Variants in VSIR observed in about 807,000 individuals in gnomAD.
VSIR encodes V-type immunoglobulin domain-containing suppressor of T-cell activation.
A neutral mutation model predicts 31.0 loss-of-function variants in VSIR; 10 were observed. That is an observed-to-expected ratio of 0.32 (90% CI 0.20 to 0.55). The LOEUF is 0.55. Among genes scored for constraint, VSIR ranks in the 20% least tolerant of loss-of-function variants. The pLI is 0.93. For synonymous variants in VSIR, 179 were observed against 180.1 expected, an observed-to-expected ratio of 0.99 and a Z score of 0.05; for missense variants, 356 against 416.2, an observed-to-expected ratio of 0.86 and a Z score of 1.26.
At chr10:71,772,946 G>C (rs1564786504) in intron 1 of VSIR, among the ~76,000 whole-genome samples, 1 of 152,218 alleles carries the variant, frequency 6.6e-6, no homozygotes, top group Admixed American at 6.5e-5. Flanking sequence ...TGCAACACTA[G>C]AGCCCTGAGA....
intron 3 of VSIR, among the ~76,000 whole-genome samples, chr10:71,756,851 A>T (rs907393108): frequency 3.9e-5 from 6 of 152,242 alleles, no homozygotes; most frequent in African/African-American, 1.4e-4. Context: ...TTTGGGAATA[A>T]AGGCTGTTTT....
intron 2 of VSIR, among the ~76,000 whole-genome samples, chr10:71,761,247 C>G (rs1840376058): frequency 6.6e-6 from 1 of 152,196 alleles, no homozygotes; most frequent in Admixed American, 6.5e-5. Context: ...CAGCCATCCA[C>G]TGAGTCATGC....
rs1283597158 is a variant in VSIR at position 71,760,198 on chromosome 10, CAT to C, written c.568+668_568+669del. On this transcript the variant is annotated intron_variant, in intron 3 of 6. Transcript: ENST00000394957. ...ATATGTGTGTATATATATGTATATA[CAT>C]ATATATGTGTGTATATATGTGTATA... Among the ~76,000 whole-genome samples, 2 of 49,886 alleles carry C rather than the reference CAT, an allele frequency of 4.0e-5. 1 individual carries two copies. Among genetic ancestry groups the C allele is most frequent in the Non-Finnish European group, 6.9e-5 (2 of 28,826 alleles). 32.7% of individuals were successfully genotyped at this position (49,886 alleles called of 152,430 possible).
chr10:71,751,904 G>A lies in VSIR; in HGVS notation c.705-43C>T, dbSNP rs1311648125. ...TGGAAGGTCATCTGTGCTGTCCGGAGCGTGAACTCTGCCCTCCCTGCCCCC... is the reference window on the plus strand; with the variant it reads ...TGGAAGGTCATCTGTGCTGTCCGGAACGTGAACTCTGCCCTCCCTGCCCCC... On this transcript the variant is annotated intron_variant, in intron 5 of 6. Transcript: ENST00000394957. The surrounding 1 kb of genome is among the most constrained non-coding windows in gnomAD (Gnocchi z 4.9). The A allele has an allele frequency of 1.3e-6, 2 of 1,533,462 alleles. No homozygotes were observed. The highest frequency in any genetic ancestry group is 1.8e-6 in the Non-Finnish European group (2 of 1,133,834). The allele number at this position is 1,533,462 out of a possible 1,614,324, so 95.0% of individuals were successfully genotyped here.
At chr10:71,761,028 G>C (rs1402522821) in intron 2 of VSIR, 104 bp from the exon 3 acceptor site, 1 of 1,161,376 alleles carries the variant, frequency 8.6e-7, no homozygotes, top group East Asian at 2.4e-5. Context: ...TCTCACGCTA[G>C]TGCCTACTCG....
Position 71,761,924 on chromosome 10 carries a change from T to C in VSIR, c.185A>G (p.Lys62Arg). The C allele has an allele frequency of 6.2e-7, 1 of 1,614,046 alleles. No individual in the cohort carries two copies. The highest frequency in any genetic ancestry group is 8.5e-7 in the Non-Finnish European group (1 of 1,180,012). ...LTCRLLGPVD[K>R]GHDVTFYKTW... is the part of the protein sequence containing the mutation. ...CTTGTAGAAGGTCACATCGTGCCCT[T>C]TGTCCACAGGGCCCAAGAGCCTGCA... The change falls in exon 2 of 7, where the codon AAA (lysine) becomes AGA (arginine). Residue 62 changes from lysine to arginine, a missense_variant. This residue lies in a region of VSIR where 166 missense variants were observed against 231.0 expected (regional missense o/e 0.72). Transcript: ENST00000394957.
Position 71,752,934 on chromosome 10 carries a change from G to T in VSIR, c.704+41C>A, listed in dbSNP as rs369439268. On this transcript the variant is annotated intron_variant, in intron 5 of 6. Coordinates refer to ENST00000394957, the MANE Select transcript of VSIR (RefSeq NM_022153.2). ...CAGAAGTATCTCTTCCTGGATAGCCGGCCCAGGAAGTTTTCTCAAGAAGGT... is the reference window on the plus strand; with the variant it reads ...CAGAAGTATCTCTTCCTGGATAGCCTGCCCAGGAAGTTTTCTCAAGAAGGT... 5 of 1,606,766 alleles carry T rather than the reference G, an allele frequency of 3.1e-6. No individual in the cohort carries two copies. The East Asian group carries it at 9.0e-5, about 29-fold the overall frequency.
In VSIR at chr10:71,755,428, C is replaced by T. The variant is rs1055051012; in HGVS notation, c.607G>A (p.Val203Ile). The T allele has an allele frequency of 5.0e-6, 8 of 1,613,156 alleles. No homozygotes were observed. Among genetic ancestry groups the T allele is most frequent in the African/African-American group, 2.7e-5 (2 of 74,852 alleles). Residue 203 changes from valine (V) to isoleucine (I), a missense_variant, in exon 4 of 7, where the codon GTA becomes ATA. Val to Ile is a conservative substitution (Grantham distance 29). Coordinates refer to ENST00000394957, the MANE Select transcript of VSIR (RefSeq NM_022153.2). The stretch of plus-strand genomic sequence containing the variant: ...ATGAGGGGGAGGCAGAGGATTCCTA[C>T]GATGCAGGCACCCGTAGCCAGGGCT... ...AAALATGACI[V>I]GILCLPLILL...
intron 2 of VSIR, 74 bp from the exon 3 acceptor site, chr10:71,760,998 G>T (rs375563247): frequency 1.4e-6 from 2 of 1,463,000 alleles, no homozygotes; most frequent in Non-Finnish European, 1.9e-6. Context: ...CCAGGCCAGT[G>T]TCCCCCTCCT....
rs1426057101 is a variant in VSIR at position 71,749,312 on chromosome 10, T to A, written c.*1941A>T. The stretch of plus-strand genomic sequence containing the variant: ...ACCCTCTTTCCTTCTTTCTTTCTTT[T>A]TAAAATTTGTTTTGAGGCAAAGTTT... On this transcript the variant is annotated 3_prime_UTR_variant, in exon 7 of 7. Coordinates refer to ENST00000394957, the MANE Select transcript of VSIR (RefSeq NM_022153.2). 6.6e-6 allele frequency: 1 copy of A among 152,320 alleles called. No individual in the cohort carries two copies. The highest frequency in any genetic ancestry group is 1.5e-5 in the Non-Finnish European group (1 of 68,096). The allele number at this position is 152,320 out of a possible 1,614,324, so 9.4% of individuals were successfully genotyped here.
chr10:71,761,122 C>T (rs554664968), intron 2 of VSIR, among the ~76,000 whole-genome samples, 198 bp from the exon 3 acceptor site: 1 of 152,280 alleles, frequency 6.6e-6, no homozygotes, highest in South Asian at 2.1e-4. Context: ...TTTCATGCCA[C>T]TCCCAGGGGC....
rs1839888250 is a variant in VSIR at position 71,747,789 on chromosome 10, G to A, written c.*3464C>T. Reference sequence around the variant, plus strand: ...ACTTCCCTCTCCCGTGCCCAAGGCAGACATGGCTATCTATCTCGGCACTGT... The same window carrying A: ...ACTTCCCTCTCCCGTGCCCAAGGCAAACATGGCTATCTATCTCGGCACTGT... On this transcript the variant is annotated 3_prime_UTR_variant, in exon 7 of 7. Transcript: ENST00000394957. The A allele has an allele frequency of 6.6e-6, 1 of 152,296 alleles. No homozygotes were observed. The highest frequency in any genetic ancestry group is 6.5e-5 in the Admixed American group (1 of 15,288). The allele number at this position is 152,296 out of a possible 1,614,324, so 9.4% of individuals were successfully genotyped here.
intron 1 of VSIR, among the ~76,000 whole-genome samples, chr10:71,762,320 G>A (rs1840416058): frequency 6.6e-6 from 1 of 152,236 alleles, no homozygotes; most frequent in South Asian, 2.1e-4. Context: ...TCCCAGTAGA[G>A]TATATGCAAA....
At chr10:71,756,126 T>A (rs1282463654) in intron 3 of VSIR, among the ~76,000 whole-genome samples, 1 of 152,086 alleles carries the variant, frequency 6.6e-6, no homozygotes, top group African/African-American at 2.4e-5. Flanking sequence ...TGTACAATGT[T>A]TTTCAATTTT....
chr10:71,762,709 G>C (rs772946594), intron 1 of VSIR, among the ~76,000 whole-genome samples: 1 of 152,250 alleles, frequency 6.6e-6, no homozygotes, highest in Non-Finnish European at 1.5e-5. Flanking sequence ...TTGGTGCATA[G>C]ATAGGATTTC....
At chr10:71,773,219 C>G in intron 1 of VSIR, 139 bp downstream of exon 1, 1 of 1,016,546 alleles carries the variant, frequency 9.8e-7, no homozygotes, top group Non-Finnish European at 1.4e-6. Context: ...GTCCCAGCAG[C>G]CTCTGGGCGG....
chr10:71,769,736 C>T (rs948011165), intron 1 of VSIR, among the ~76,000 whole-genome samples: 21 of 152,274 alleles, frequency 1.4e-4, no homozygotes, highest in African/African-American at 4.6e-4. Flanking sequence ...TAAGATCCTA[C>T]GCAGAAAGGC....
rs911602194 is a variant in VSIR, at chr10:71,748,759, C to T, written c.*2494G>A. Reference sequence around the variant, plus strand: ...TCCCATGCACCCCAGCCCACAGCCACCAGGGCTGGCATCAGAGGCACTACC... The same window carrying T: ...TCCCATGCACCCCAGCCCACAGCCATCAGGGCTGGCATCAGAGGCACTACC... On this transcript the variant is annotated 3_prime_UTR_variant, in exon 7 of 7. Transcript: ENST00000394957. 3.3e-5 allele frequency: 5 copies of T among 152,714 alleles called. No individual in the cohort carries two copies. The highest frequency in any genetic ancestry group is 4.8e-5 in the African/African-American group (2 of 41,438). 9.5% of individuals were successfully genotyped at this position (152,714 alleles called of 1,614,324 possible). A position where few individuals can be genotyped will look rare whatever the true frequency, so the allele number is the denominator to read the frequency against.
rs767882153 is a variant in VSIR, at chr10:71,751,800, C to T, written c.766G>A (p.Glu256Lys). ...EASPPAQGIP[E>K]AKVRHPLSYV... ...GACAGGGGGTGCCTGACTTTGGCCT[C>T]GGGTATCCCCTGGGCAGGTGGTGAG... The change falls in exon 6 of 7, where the codon GAG (glutamate) becomes AAG (lysine). Residue 256 changes from glutamate to lysine, a missense_variant. Physicochemically the swap from Glu to Lys is moderately conservative, Grantham distance 56. Transcript: ENST00000394957. The surrounding 1 kb of genome is among the most constrained non-coding windows in gnomAD (Gnocchi z 4.9). 55 of 1,595,264 alleles carry T rather than the reference C, an allele frequency of 3.4e-5. No homozygotes were observed. The highest frequency in any genetic ancestry group is 2.1e-4 in the South Asian group (19 of 89,132).
Sources: gnomAD v4.1 joint callset for allele counts (sites outside exome capture counted in the v4.1 genomes callset) on GRCh38, gnomAD v4.1.1 for gene constraint, gnomAD v4.1.1 regional missense constraint, Gnocchi (gnomAD v3.1) non-coding constraint, MANE v1.5 for transcripts, NCBI Gene and HGNC (gene_info 2026-07-23, HGNC 2026-07-21) for gene names.